The following PITPNA variants were observed in gnomAD, a reference collection of about 807,000 sequenced individuals.
PITPNA encodes phosphatidylinositol transfer protein alpha isoform.
In PITPNA, 13 loss-of-function variants were observed where a neutral mutation model predicts 50.3. The observed-to-expected ratio is 0.26, with a 90% CI of 0.17 to 0.41. The LOEUF is 0.41. PITPNA is among the 10% of genes least tolerant of loss of function. PITPNA has a pLI of 1.00. For missense variants in PITPNA, 207 were observed against 333.4 expected, an observed-to-expected ratio of 0.62 and a Z score of 2.95; for synonymous variants, 120 against 119.6, an observed-to-expected ratio of 1.00 and a Z score of -0.02.
At chr17:1,547,263 G>C (rs539698240) in intron 4 of PITPNA, among the ~76,000 whole-genome samples, 1 of 152,078 alleles carries the variant, frequency 6.6e-6, no homozygotes, top group Admixed American at 6.6e-5. Flanking sequence ...GTATTTGGGA[G>C]GCTGAGGCAG....
intron 5 of PITPNA, 179 bp from the exon 6 acceptor site, chr17:1,541,819 T>C: frequency 1.4e-6 from 1 of 695,044 alleles, no homozygotes; most frequent in Non-Finnish European, 2.7e-6. Flanking sequence ...TATTATCCCA[T>C]TCAATCCTCA....
chr17:1,546,629 G>C lies in PITPNA; in HGVS notation c.289+1667C>G, dbSNP rs994698215. ...CTGTCTGTACCCACACATGGAGGCT[G>C]GTGGGAGGAAAGGTCACCTACCTCA... On this transcript the variant is annotated intron_variant, in intron 4 of 11. Coordinates refer to ENST00000313486, the MANE Select transcript of PITPNA (RefSeq NM_006224.4). Among the ~76,000 whole-genome samples the C allele has an allele frequency of 3.3e-5, 5 of 152,124 alleles. No homozygotes were observed. In the South Asian group the frequency reaches 1.0e-3, roughly 31 times the overall value.
chr17:1,536,176 G>A (rs2151006439), intron 7 of PITPNA, among the ~76,000 whole-genome samples: 1 of 152,034 alleles, frequency 6.6e-6, no homozygotes, highest in Non-Finnish European at 1.5e-5. Context: ...CCTCTACATT[G>A]ACTAATGTGG....
intron 10 of PITPNA, among the ~76,000 whole-genome samples, chr17:1,531,388 C>T (rs1468213796): frequency 5.9e-5 from 9 of 151,976 alleles, no homozygotes; most frequent in Non-Finnish European, 1.2e-4. Context: ...CTGTAACTAC[C>T]GAGTACAAGC....
At chr17:1,525,504 CT>C (rs11329480) in intron 10 of PITPNA, among the ~76,000 whole-genome samples, 9,018 of 101,776 alleles carry the variant, frequency 0.089, 127 homozygotes, top group African/African-American at 0.13. Context: ...CACTGGGAAA[CT>C]TTTTTTTTTT....
rs753565104 is a variant in PITPNA, at chr17:1,562,578, T to G, written c.-18A>C. 35 of 1,300,622 alleles carry G rather than the reference T, an allele frequency of 2.7e-5. No individual in the cohort carries two copies. In the African/African-American group the frequency reaches 4.9e-4, roughly 18 times the overall value. 80.6% of individuals were successfully genotyped at this position (1,300,622 alleles called of 1,614,324 possible). A position where few individuals can be genotyped will look rare whatever the true frequency, so the allele number is the denominator to read the frequency against. On this transcript the variant is annotated 5_prime_UTR_variant, in exon 1 of 12. Coordinates refer to ENST00000313486, the MANE Select transcript of PITPNA (RefSeq NM_006224.4). The surrounding 1 kb of genome is among the most constrained non-coding windows in gnomAD (Gnocchi z 6.4). ...AGCACCATGTCGCTTCGCGGCTCGG[T>G]GGCTGCCCGCGGCCCGCCCGGCCTC...
chr17:1,538,627 TAC>T (rs2075631462), intron 7 of PITPNA: 1 of 416,216 alleles, frequency 2.4e-6, no homozygotes, highest in Non-Finnish European at 4.3e-6. Flanking sequence ...CTACAATACC[TAC>T]TTAGTCCAGT....
At position 1,520,216 on chromosome 17, in the gene PITPNA, T is replaced by G. The variant is rs2075501360; in HGVS notation, c.*345A>C. On this transcript the variant is annotated 3_prime_UTR_variant, in exon 12 of 12. Transcript: ENST00000313486. ...TCACCACATCACAAAAGGCAGCTAT[T>G]TGAAAGACTGAAAATGTCACTTGGA... is the stretch of plus-strand genomic sequence containing the variant. 1 of 152,400 alleles carries G rather than the reference T, an allele frequency of 6.6e-6. No homozygotes were observed. The highest frequency in any genetic ancestry group is 1.5e-5 in the Non-Finnish European group (1 of 68,042). 9.4% of individuals were successfully genotyped at this position (152,400 alleles called of 1,614,324 possible).
chr17:1,523,165 G>A (rs1051609846), intron 10 of PITPNA, among the ~76,000 whole-genome samples: 2 of 151,088 alleles, frequency 1.3e-5, no homozygotes, highest in Middle Eastern at 3.4e-3. Flanking sequence ...ACATCACTGG[G>A]GATACTGTAG....
intron 10 of PITPNA, among the ~76,000 whole-genome samples, chr17:1,521,927 GTTGACCA>G (rs2075516054): frequency 2.5e-5 from 3 of 120,170 alleles, no homozygotes; most frequent in Non-Finnish European, 5.0e-5. Flanking sequence ...GTCTTCCTAT[GTTGACCA>G]GGCTGGTCTT....
At chr17:1,523,390 T>C (rs936816071) in intron 10 of PITPNA, among the ~76,000 whole-genome samples, 1 of 152,118 alleles carries the variant, frequency 6.6e-6, no homozygotes, top group East Asian at 1.9e-4. Context: ...TTGCCCAGGA[T>C]GGAGTGCAGT....
chr17:1,537,791 C>A (rs543301513), intron 7 of PITPNA, among the ~76,000 whole-genome samples: 1 of 151,002 alleles, frequency 6.6e-6, no homozygotes, highest in African/African-American at 2.4e-5. Flanking sequence ...ATGCACAAAT[C>A]AAAATAACTT....
chr17:1,541,498 GC>G, intron 6 of PITPNA, 67 bp downstream of exon 6: 1 of 1,117,350 alleles, frequency 8.9e-7, no homozygotes, highest in East Asian at 2.3e-5. Context: ...CCCCATGGTA[GC>G]CCTGGAGAGG....
chr17:1,549,645 A>C (rs537053658), intron 3 of PITPNA, among the ~76,000 whole-genome samples: 1 of 144,018 alleles, frequency 6.9e-6, no homozygotes, highest in South Asian at 2.2e-4. Flanking sequence ...ATTAAAATGA[A>C]AATGGTACAT....
intron 1 of PITPNA, among the ~76,000 whole-genome samples, chr17:1,558,773 C>CT (rs2075752747): frequency 2.2e-5 from 1 of 44,792 alleles, no homozygotes. Flanking sequence ...GACAACACCC[C>CT]CCCCCCGCCC....
intron 6 of PITPNA, among the ~76,000 whole-genome samples, chr17:1,539,800 G>C (rs1401501621): frequency 2.0e-5 from 3 of 152,228 alleles, no homozygotes; most frequent in Non-Finnish European, 4.4e-5. Context: ...GCAATGGCGC[G>C]ATCTCGGCTC....
chr17:1,547,245 A>G (rs1218679511), intron 4 of PITPNA, among the ~76,000 whole-genome samples: 1 of 151,760 alleles, frequency 6.6e-6, no homozygotes, highest in Non-Finnish European at 1.5e-5. Context: ...ATATGCCTAT[A>G]GTCCCAGGTA....
intron 10 of PITPNA, among the ~76,000 whole-genome samples, chr17:1,525,438 C>T (rs2075541616): frequency 1.3e-5 from 2 of 151,314 alleles, no homozygotes; most frequent in South Asian, 4.2e-4. Context: ...ATTCTAGTCA[C>T]TGAAAATTTA....
At chr17:1,552,291 T>G (rs2075713586) in intron 3 of PITPNA, among the ~76,000 whole-genome samples, 1 of 152,198 alleles carries the variant, frequency 6.6e-6, no homozygotes, top group Non-Finnish European at 1.5e-5. Flanking sequence ...CCTTTACCAG[T>G]TCTGGATAGC....
Sources: gnomAD v4.1 joint callset for allele counts (sites outside exome capture counted in the v4.1 genomes callset) on GRCh38, gnomAD v4.1.1 for gene constraint, Gnocchi (gnomAD v3.1) non-coding constraint, MANE v1.5 for transcripts, NCBI Gene and HGNC (gene_info 2026-07-23, HGNC 2026-07-21) for gene names.